The following SEL1L2 variants were observed in gnomAD, a reference collection of about 807,000 sequenced individuals.
SEL1L2 encodes the protein SEL1L2 adaptor subunit of SYVN1 ubiquitin ligase.
In SEL1L2, 89 loss-of-function variants were observed where a neutral mutation model predicts 98.8. The observed-to-expected ratio is 0.90, with a 90% confidence interval of 0.76 to 1.07. The LOEUF is 1.07. Among genes scored for constraint, SEL1L2 ranks in the 50% least tolerant of loss-of-function variants. SEL1L2 has a pLI of 0.00. For missense variants in SEL1L2, 788 were observed against 812.0 expected, an observed-to-expected ratio of 0.97 and a Z score of 0.36; for synonymous variants, 262 against 278.5, an observed-to-expected ratio of 0.94 and a Z score of 0.59.
At chr20:13,949,439 C>T (rs182178779) in intron 2 of SEL1L2, among the ~76,000 whole-genome samples, 54 of 152,174 alleles carry the variant, frequency 3.5e-4, no homozygotes, top group African/African-American at 1.2e-3. Flanking sequence ...CGGAGGCAGG[C>T]GGATCACGAG....
rs561221182 is a variant in SEL1L2 at position 13,877,992 on chromosome 20, G to C, written c.958-404C>G. On this transcript the variant is annotated intron_variant, in intron 10 of 19. Coordinates refer to ENST00000284951, the MANE Select transcript of SEL1L2 (RefSeq NM_025229.2). ...GGTTTTACTGTGGTTGGCAGAATTG[G>C]ATACACAGTTTGCTAATGTTTGTAG... Among the ~76,000 whole-genome samples, 6 of 152,274 alleles carry C rather than the reference G, an allele frequency of 3.9e-5. No individual in the cohort carries two copies. The South Asian group carries it at 1.2e-3, about 32-fold the overall frequency.
chr20:13,976,186 G>C (rs912085745), intron 1 of SEL1L2, among the ~76,000 whole-genome samples: 1 of 151,920 alleles, frequency 6.6e-6, no homozygotes, highest in African/African-American at 2.4e-5. Context: ...ATTTTTAGTA[G>C]AGACAGGGTT....
chr20:13,923,280 G>A (rs1486641374), intron 3 of SEL1L2, among the ~76,000 whole-genome samples: 1 of 151,944 alleles, frequency 6.6e-6, no homozygotes. Context: ...TTCAAACAAC[G>A]TTTAGAAGTG....
At chr20:13,920,443 T>C (rs1219732486) in intron 3 of SEL1L2, among the ~76,000 whole-genome samples, 1 of 152,164 alleles carries the variant, frequency 6.6e-6, no homozygotes, top group East Asian at 1.9e-4. Context: ...CACTTTGCAA[T>C]TTTTAAAAAA....
chr20:13,866,409 G>T (rs1347237687), intron 15 of SEL1L2, among the ~76,000 whole-genome samples: 1 of 152,142 alleles, frequency 6.6e-6, no homozygotes. Flanking sequence ...AAATTGCCCT[G>T]GTGATTTGAT....
intron 5 of SEL1L2, among the ~76,000 whole-genome samples, chr20:13,892,863 C>T (rs954353810): frequency 1.4e-4 from 22 of 152,100 alleles, no homozygotes; most frequent in African/African-American, 5.3e-4. Flanking sequence ...CAAATTATGC[C>T]CCTGCTTAAC....
At position 13,894,244 on chromosome 20, in the gene SEL1L2, A is replaced by G. The variant is rs1053289991; in HGVS notation, c.550-5732T>C. Among the ~76,000 whole-genome samples, 4 of 152,152 alleles carry G rather than the reference A, an allele frequency of 2.6e-5. No homozygotes were observed. In the South Asian group the frequency reaches 8.3e-4, roughly 32 times the overall value. On this transcript the variant is annotated intron_variant, in intron 5 of 19. Coordinates refer to ENST00000284951, the MANE Select transcript of SEL1L2 (RefSeq NM_025229.2). ...AATACCAAGAAGTCAACAAAACTAA[A>G]AGTTAGGTTTTTTAAAAATATCAAC...
At chr20:13,915,265 G>C (rs760563611) in intron 4 of SEL1L2, 3 of 1,285,392 alleles carry the variant, frequency 2.3e-6, no homozygotes, top group Non-Finnish European at 3.0e-6. Context: ...CACAGGGTGA[G>C]TACTCCAGTG....
chr20:13,864,712 T>C (rs1276108090), intron 17 of SEL1L2, among the ~76,000 whole-genome samples: 1 of 152,146 alleles, frequency 6.6e-6, no homozygotes, highest in Non-Finnish European at 1.5e-5. Context: ...CTGAAGTTTA[T>C]GGTAGTCATC....
chr20:13,900,798 T>A (rs571334952), intron 5 of SEL1L2, among the ~76,000 whole-genome samples: 46 of 152,260 alleles, frequency 3.0e-4, no homozygotes, highest in African/African-American at 1.1e-3. Flanking sequence ...AGTAATAAAA[T>A]CCCCTTGTTA....
At chr20:13,949,565 A>G (rs2050170982) in intron 2 of SEL1L2, among the ~76,000 whole-genome samples, 1 of 152,218 alleles carries the variant, frequency 6.6e-6, no homozygotes, top group African/African-American at 2.4e-5. Flanking sequence ...CGGGAGGCTG[A>G]GGCAGGAGAA....
At chr20:13,974,448 AT>A (rs1172258995) in intron 1 of SEL1L2, among the ~76,000 whole-genome samples, 5 of 77,916 alleles carry the variant, frequency 6.4e-5, no homozygotes, top group South Asian at 4.2e-4. Flanking sequence ...ACTGCTTTTT[AT>A]TTTTTTTCCT....
intron 5 of SEL1L2, among the ~76,000 whole-genome samples, chr20:13,902,334 T>C (rs932237858): frequency 6.6e-6 from 1 of 152,228 alleles, no homozygotes; most frequent in African/African-American, 2.4e-5. Flanking sequence ...ATGTCACCCA[T>C]ACTCTATTGT....
chr20:13,874,747 T>C (rs1384144921), intron 12 of SEL1L2, among the ~76,000 whole-genome samples: 1 of 152,128 alleles, frequency 6.6e-6, no homozygotes, highest in Non-Finnish European at 1.5e-5. Context: ...AGCTCTGAGG[T>C]GGTAGTCACT....
intron 9 of SEL1L2, 60 bp from the exon 10 acceptor site, chr20:13,885,463 A>G: frequency 9.1e-7 from 1 of 1,095,318 alleles, no homozygotes; most frequent in East Asian, 2.4e-5. Context: ...TAAAGAAAAC[A>G]TTTATGTGGT....
chr20:13,850,465 C>CA, intron 18 of SEL1L2, 146 bp from the exon 19 acceptor site: 1 of 837,496 alleles, frequency 1.2e-6, no homozygotes, highest in Non-Finnish European at 1.9e-6. Flanking sequence ...CTCAGATAAT[C>CA]AAATGAACCT....
chr20:13,877,454 C>T, intron 11 of SEL1L2, 66 bp downstream of exon 11: 1 of 1,284,378 alleles, frequency 7.8e-7, no homozygotes, highest in African/African-American at 1.5e-5. Context: ...GCACACGCTG[C>T]TATGCCCAGT....
intron 1 of SEL1L2, among the ~76,000 whole-genome samples, chr20:13,986,758 T>C (rs1264346396): frequency 3.9e-5 from 6 of 152,258 alleles, no homozygotes; most frequent in Non-Finnish European, 7.3e-5. Context: ...TTCATTTCTC[T>C]TGGTTATATA....
At chr20:13,940,228 G>A (rs1054383055) in intron 2 of SEL1L2, among the ~76,000 whole-genome samples, 2 of 152,282 alleles carry the variant, frequency 1.3e-5, no homozygotes, top group South Asian at 4.1e-4. Flanking sequence ...GTGAAGAGGG[G>A]TTGGTGCATA....
Sources: gnomAD v4.1 joint callset for allele counts (sites outside exome capture counted in the v4.1 genomes callset) on GRCh38, gnomAD v4.1.1 for gene constraint, MANE v1.5 for transcripts, NCBI Gene and HGNC (gene_info 2026-07-23, HGNC 2026-07-21) for gene names.